The following CCDC6 variants were observed in gnomAD, a reference collection of about 807,000 sequenced individuals.
CCDC6 encodes coiled-coil domain containing 6, also known as coiled-coil domain-containing protein 6.
In CCDC6, 20 loss-of-function variants were observed where a neutral mutation model predicts 56.6. That is an observed-to-expected ratio of 0.35 (90% CI 0.25 to 0.51). The LOEUF (loss-of-function observed/expected upper bound fraction) is 0.51. CCDC6 is among the 20% of genes least tolerant of loss of function. The pLI, the probability that CCDC6 is intolerant of heterozygous loss-of-function variation, is 0.95. For synonymous variants in CCDC6, 241 were observed against 234.4 expected (o/e 1.03, Z -0.26); for missense variants, 367 against 601.1 (o/e 0.61, Z 4.07).
At chr10:59,824,073 T>A (rs559960146) in intron 3 of CCDC6, among the ~76,000 whole-genome samples, 23 of 152,326 alleles carry the variant, frequency 1.5e-4, no homozygotes, top group African/African-American at 5.5e-4. Flanking sequence ...TCTGTACAAG[T>A]TGACCTATAT....
chr10:59,795,891 G>C (rs79857633), intron 7 of CCDC6, among the ~76,000 whole-genome samples: 1 of 152,030 alleles, frequency 6.6e-6, no homozygotes. Context: ...GGACATTTGG[G>C]TTGGTTCCAA....
At chr10:59,891,263 A>C (rs1433406089) in intron 1 of CCDC6, among the ~76,000 whole-genome samples, 4 of 152,218 alleles carry the variant, frequency 2.6e-5, no homozygotes. Flanking sequence ...CCGTTATTCC[A>C]AGTCAAGCCA....
chr10:59,797,040 G>GAT lies in CCDC6; in HGVS notation c.1106-2445_1106-2444dup, dbSNP rs1011590960. On this transcript the variant is annotated intron_variant, in intron 7 of 8. Coordinates refer to ENST00000263102, the MANE Select transcript of CCDC6 (RefSeq NM_005436.5). ...ACGGATGAGCAGATAAAGAAAATGT[G>GAT]ATATATATAGACATATAAAGGAATA... Among the ~76,000 whole-genome samples the GAT allele has an allele frequency of 3.3e-5, 5 of 151,332 alleles. No individual in the cohort carries two copies. The East Asian group carries it at 5.8e-4, about 18-fold the overall frequency.
chr10:59,832,721 A>C, intron 2 of CCDC6, 68 bp from the exon 3 acceptor site: 1 of 1,525,534 alleles, frequency 6.6e-7, no homozygotes. Context: ...ACTGGCTCCA[A>C]AAGGTGACTA....
chr10:59,896,046 C>T (rs1333675038), intron 1 of CCDC6, among the ~76,000 whole-genome samples: 2 of 152,132 alleles, frequency 1.3e-5, no homozygotes, highest in Non-Finnish European at 2.9e-5. Flanking sequence ...GCACACTCCA[C>T]GGGGAGAGGA....
intron 1 of CCDC6, among the ~76,000 whole-genome samples, chr10:59,855,905 T>C (rs1297023635): frequency 1.3e-5 from 2 of 152,172 alleles, no homozygotes; most frequent in East Asian, 3.9e-4. Flanking sequence ...AAATGTGCCT[T>C]CCAAAGATGT....
chr10:59,859,567 C>T (rs1212557808), intron 1 of CCDC6, among the ~76,000 whole-genome samples: 2 of 152,072 alleles, frequency 1.3e-5, no homozygotes, highest in Non-Finnish European at 2.9e-5. Context: ...AAATCTGACA[C>T]CACTGAATAG....
At chr10:59,818,175 G>A (rs2070722473) in intron 3 of CCDC6, among the ~76,000 whole-genome samples, 1 of 152,088 alleles carries the variant, frequency 6.6e-6, no homozygotes, top group Non-Finnish European at 1.5e-5. Flanking sequence ...GTTGGGGGTA[G>A]CTGATGCCAG....
intron 7 of CCDC6, among the ~76,000 whole-genome samples, chr10:59,798,580 A>G (rs944586731): frequency 2.6e-5 from 4 of 152,222 alleles, no homozygotes; most frequent in African/African-American, 9.6e-5. Flanking sequence ...ATTTACTGGA[A>G]TCACAAGAAC....
At chr10:59,890,251 C>A (rs1047901352) in intron 1 of CCDC6, among the ~76,000 whole-genome samples, 4 of 152,124 alleles carry the variant, frequency 2.6e-5, no homozygotes, top group Admixed American at 6.5e-5. Flanking sequence ...CCTGAGACAT[C>A]CAGTCAACGA....
At chr10:59,843,952 T>C (rs992293382) in intron 2 of CCDC6, among the ~76,000 whole-genome samples, 3 of 152,162 alleles carry the variant, frequency 2.0e-5, no homozygotes, top group Admixed American at 6.5e-5. Context: ...AAAACCACAA[T>C]TTACTATCTC....
intron 1 of CCDC6, among the ~76,000 whole-genome samples, chr10:59,901,650 C>G (rs912739677): frequency 2.0e-5 from 3 of 152,208 alleles, no homozygotes; most frequent in Non-Finnish European, 4.4e-5. Context: ...AAACCAAACA[C>G]ATACCAAAGG....
chr10:59,802,905 G>T (rs1589034646), intron 7 of CCDC6, among the ~76,000 whole-genome samples: 1 of 152,100 alleles, frequency 6.6e-6, no homozygotes, highest in Non-Finnish European at 1.5e-5. Context: ...ATCAAACAGG[G>T]TATTAAATTA....
chr10:59,852,504 A>G, intron 2 of CCDC6, 49 bp downstream of exon 2: 1 of 1,482,770 alleles, frequency 6.7e-7, no homozygotes, highest in Non-Finnish European at 9.0e-7. Context: ...ATTTTCTCCT[A>G]GAAAGGAAAA....
At position 59,792,165 on chromosome 10, in the gene CCDC6, C is replaced by G. The variant is rs2070473710; in HGVS notation, c.*752G>C. ...CGGTGAGTAGGACAACATTTATCGA[C>G]TCATGTTAGAGGGGGCCAGGTTAAG... is the stretch of plus-strand genomic sequence containing the variant. On this transcript the variant is annotated 3_prime_UTR_variant, in exon 9 of 9. Transcript: ENST00000263102. The G allele has an allele frequency of 4.2e-6, 1 of 237,310 alleles. No homozygotes were observed. The highest frequency in any genetic ancestry group is 1.5e-4 in the South Asian group (1 of 6,858). 14.7% of individuals were successfully genotyped at this position (237,310 alleles called of 1,614,324 possible).
chr10:59,810,662 G>A (rs2070665062), intron 5 of CCDC6, among the ~76,000 whole-genome samples: 1 of 151,968 alleles, frequency 6.6e-6, no homozygotes, highest in African/African-American at 2.4e-5. Flanking sequence ...AACAACCTGA[G>A]GTCCACATCA....
chr10:59,848,497 G>C (rs1461677627), intron 2 of CCDC6, among the ~76,000 whole-genome samples: 1 of 152,098 alleles, frequency 6.6e-6, no homozygotes, highest in Non-Finnish European at 1.5e-5. Context: ...TGGCCAATGT[G>C]GTGAAACCCT....
intron 4 of CCDC6, among the ~76,000 whole-genome samples, chr10:59,813,241 C>G (rs781064353): frequency 6.6e-6 from 1 of 152,162 alleles, no homozygotes; most frequent in African/African-American, 2.4e-5. Context: ...TAAAGTAACA[C>G]AGAGACTCAA....
chr10:59,794,629 T>G (rs762827860), intron 7 of CCDC6, 32 bp from the exon 8 acceptor site: 1 of 1,604,590 alleles, frequency 6.2e-7, no homozygotes, highest in Non-Finnish European at 8.5e-7. Context: ...AGTATCATTT[T>G]AAGCTCAACT....
Sources: gnomAD v4.1 joint callset for allele counts (sites outside exome capture counted in the v4.1 genomes callset) on GRCh38, gnomAD v4.1.1 for gene constraint, MANE v1.5 for transcripts, NCBI Gene and HGNC (gene_info 2026-07-23, HGNC 2026-07-21) for gene names.